CADPS2: variants seen among roughly 807,000 people sequenced by gnomAD.
CADPS2 encodes the protein calcium-dependent secretion activator 2.
In CADPS2, 93 loss-of-function variants were observed where a neutral mutation model predicts 172.5. That is an observed-to-expected ratio of 0.54 (90% CI 0.46 to 0.64). The LOEUF (loss-of-function observed/expected upper bound fraction) is 0.64, where lower values mean the gene tolerates loss of function less well. CADPS2 is among the 30% of genes least tolerant of loss of function. The probability of loss-of-function intolerance (pLI) is 0.00; values close to 1 mark genes in which losing one functional copy is unlikely to be tolerated. For missense variants in CADPS2, 1,420 were observed against 1,565.9 expected, an observed-to-expected ratio of 0.91 and a Z score of 1.57; for synonymous variants, 546 against 555.2, an observed-to-expected ratio of 0.98 and a Z score of 0.23.
chr7:122,817,546 CCTCT>C (rs1801834226), intron 1 of CADPS2, among the ~76,000 whole-genome samples: 1 of 152,104 alleles, frequency 6.6e-6, no homozygotes, highest in Non-Finnish European at 1.5e-5. Context: ...TGCAGGGACG[CCTCT>C]CTGATTATTC....
chr7:122,839,878 C>T (rs1294273668), intron 1 of CADPS2, among the ~76,000 whole-genome samples: 1 of 152,182 alleles, frequency 6.6e-6, no homozygotes, highest in Non-Finnish European at 1.5e-5. Context: ...GTGGCAATTC[C>T]TCAAGGATCT....
chr7:122,608,411 T>G (rs2073870693), intron 6 of CADPS2, among the ~76,000 whole-genome samples: 2 of 152,182 alleles, frequency 1.3e-5, no homozygotes, highest in Non-Finnish European at 2.9e-5. Flanking sequence ...CTGTATTTAA[T>G]CTCTCTTAAA....
intron 8 of CADPS2, among the ~76,000 whole-genome samples, chr7:122,546,242 T>C (rs543430452): frequency 1.3e-5 from 2 of 152,184 alleles, no homozygotes; most frequent in Admixed American, 6.6e-5. Context: ...TGTTTACTTA[T>C]GATTTTCAAG....
chr7:122,631,261 C>G (rs80261602), intron 3 of CADPS2, among the ~76,000 whole-genome samples: 2,076 of 152,202 alleles, frequency 0.014, 31 homozygotes, highest in East Asian at 0.047. Context: ...TTTCTCACAG[C>G]TTCAACAAAA....
At chr7:122,800,138 C>T (rs1797295442) in intron 1 of CADPS2, among the ~76,000 whole-genome samples, 1 of 152,190 alleles carries the variant, frequency 6.6e-6, no homozygotes, top group South Asian at 2.1e-4. Flanking sequence ...AGTGCCTGGA[C>T]TATATTAAAC....
At chr7:122,538,370 T>G (rs1053514108) in intron 8 of CADPS2, among the ~76,000 whole-genome samples, 1 of 149,416 alleles carries the variant, frequency 6.7e-6, no homozygotes, top group Non-Finnish European at 1.5e-5. Context: ...TTTGTTTTTT[T>G]TTTTTAAAAA....
chr7:122,527,641 TG>T (rs1330239967), intron 8 of CADPS2, among the ~76,000 whole-genome samples: 4 of 150,636 alleles, frequency 2.7e-5, no homozygotes, highest in African/African-American at 7.3e-5. Flanking sequence ...TGTGTGTGTG[TG>T]TGTGTGTGTG....
chr7:122,372,272 A>G (rs866115344), intron 25 of CADPS2, among the ~76,000 whole-genome samples: 60 of 152,318 alleles, frequency 3.9e-4, no homozygotes, highest in Middle Eastern at 3.4e-3. Context: ...TCACAAGCAT[A>G]GAGTTAAAGC....
intron 17 of CADPS2, among the ~76,000 whole-genome samples, chr7:122,435,154 T>C (rs764143476): frequency 2.6e-5 from 4 of 152,148 alleles, no homozygotes; most frequent in Non-Finnish European, 4.4e-5. Context: ...AAAAGAGAGC[T>C]ATTCATCAAT....
At chr7:122,359,037 C>T (rs147658954) in intron 27 of CADPS2, among the ~76,000 whole-genome samples, 112 of 151,904 alleles carry the variant, frequency 7.4e-4, no homozygotes, top group African/African-American at 2.3e-3. Flanking sequence ...AAGAAATGTA[C>T]GTCTCATCAT....
chr7:122,635,139 G>A (rs1352064725), intron 3 of CADPS2, among the ~76,000 whole-genome samples: 2 of 152,120 alleles, frequency 1.3e-5, no homozygotes, highest in Admixed American at 1.3e-4. Context: ...GTTAGATAGA[G>A]TATTCTGTAG....
At chr7:122,703,270 G>T (rs1398822770) in intron 2 of CADPS2, among the ~76,000 whole-genome samples, 1 of 152,114 alleles carries the variant, frequency 6.6e-6, no homozygotes, top group Non-Finnish European at 1.5e-5. Flanking sequence ...TCATGTATTA[G>T]TGCATGTACC....
At chr7:122,781,442 TTC>T (rs1477141214) in intron 1 of CADPS2, among the ~76,000 whole-genome samples, 3 of 152,246 alleles carry the variant, frequency 2.0e-5, no homozygotes, top group African/African-American at 4.8e-5. Context: ...AAATCCAAGA[TTC>T]TGTCTTATTT....
chr7:122,576,088 G>A (rs2068000566), intron 7 of CADPS2, among the ~76,000 whole-genome samples: 2 of 152,088 alleles, frequency 1.3e-5, no homozygotes. Context: ...TCGTTGTCAT[G>A]TCTCCTTAGT....
intron 8 of CADPS2, among the ~76,000 whole-genome samples, chr7:122,551,593 T>C (rs997531177): frequency 6.6e-6 from 1 of 152,076 alleles, no homozygotes; most frequent in African/African-American, 2.4e-5. Context: ...ACTACTGAAG[T>C]CCTAAAGATT....
At chr7:122,675,430 C>A (rs780839765) in intron 2 of CADPS2, among the ~76,000 whole-genome samples, 3 of 152,140 alleles carry the variant, frequency 2.0e-5, no homozygotes, top group African/African-American at 7.2e-5. Flanking sequence ...CTTTCATTTC[C>A]AGTTATTTTT....
intron 25 of CADPS2, among the ~76,000 whole-genome samples, chr7:122,364,914 A>AAGCAGTAT (rs1287653103): frequency 2.0e-5 from 3 of 152,174 alleles, no homozygotes; most frequent in Admixed American, 6.5e-5. Flanking sequence ...TGTAGACAGT[A>AAGCAGTAT]AGCAGTATAG....
chr7:122,609,914 G>A (rs190763807), intron 6 of CADPS2, among the ~76,000 whole-genome samples: 1 of 152,262 alleles, frequency 6.6e-6, no homozygotes, highest in East Asian at 1.9e-4. Context: ...TCTCTTTCCT[G>A]TCATGCAAGA....
chr7:122,428,275 T>C (rs2049410951), intron 17 of CADPS2, among the ~76,000 whole-genome samples: 1 of 152,094 alleles, frequency 6.6e-6, no homozygotes, highest in African/African-American at 2.4e-5. Flanking sequence ...TGCCTTAGCA[T>C]GAATCAAGGC....
Sources: allele counts gnomAD v4.1 joint callset (sites outside exome capture counted in the v4.1 genomes callset), GRCh38; gene constraint gnomAD v4.1.1; transcripts MANE v1.5; gene names NCBI Gene and HGNC (gene_info 2026-07-23, HGNC 2026-07-21).